SYNPR: variants seen among roughly 807,000 people sequenced by gnomAD.
SYNPR encodes synaptoporin.
A neutral mutation model predicts 32.9 loss-of-function variants in SYNPR; 23 were observed. That is an observed-to-expected ratio of 0.70 (90% CI 0.50 to 0.99). SYNPR has a LOEUF of 0.99. Ranked by LOEUF, SYNPR falls within the 50% of genes least tolerant of loss-of-function variation. SYNPR has a pLI of 0.00. For missense variants in SYNPR, 318 were observed against 349.3 expected, an observed-to-expected ratio of 0.91 and a Z score of 0.71; for synonymous variants, 146 against 135.9, an observed-to-expected ratio of 1.07 and a Z score of -0.52.
exon 3 of SYNPR, chr3:63,267,368 G>C (rs1363792272): frequency 6.6e-6 from 1 of 152,248 alleles, no homozygotes; most frequent in Non-Finnish European, 1.5e-5. Flanking sequence ...CAAAAGAAGA[G>C]AACCTGAGGG....
Position 63,243,866 on chromosome 3 carries a change from A to AT in SYNPR, n.67-8632dup, listed in dbSNP as rs1560166480. Among the ~76,000 whole-genome samples the AT allele has an allele frequency of 3.9e-5, 6 of 152,130 alleles. No homozygotes were observed. The South Asian group carries it at 6.2e-4, about 16-fold the overall frequency. ...CAGATTGAGTTAAAGGAGCTGTGGAATAAAAAAAACAAAAACAAAAACAAA... is the reference window on the plus strand; with the variant it reads ...CAGATTGAGTTAAAGGAGCTGTGGAATTAAAAAAAACAAAAACAAAAACAAA... On this transcript the variant is annotated intron_variant and non_coding_transcript_variant, in intron 1 of 4. Transcript: ENST00000478456.
upstream of SYNPR, among the ~76,000 whole-genome samples, chr3:63,274,713 G>T (rs891954731): frequency 2.0e-5 from 3 of 152,146 alleles, no homozygotes; most frequent in African/African-American, 7.2e-5. Flanking sequence ...TCTCTACCTT[G>T]GCACCATTGA....
chr3:63,268,760 C>A (rs2086511360), intron 3 of SYNPR, among the ~76,000 whole-genome samples: 1 of 152,230 alleles, frequency 6.6e-6, no homozygotes, highest in South Asian at 2.1e-4. Context: ...AGTTCAAACC[C>A]ATGTTACTCA....
At chr3:63,288,015 C>T (rs1406924285) in intron 2 of SYNPR, among the ~76,000 whole-genome samples, 1 of 152,144 alleles carries the variant, frequency 6.6e-6, no homozygotes, top group African/African-American at 2.4e-5. Context: ...TCCTGCCTGC[C>T]CTCTCTCTGT....
At chr3:63,219,634 G>T in the SYNPR span, among the ~76,000 whole-genome samples, 1 of 151,968 alleles carries the variant, frequency 6.6e-6, no homozygotes, top group Non-Finnish European at 1.5e-5. Context: ...TTTATGTATG[G>T]TATATGGATT....
intron 2 of SYNPR, among the ~76,000 whole-genome samples, chr3:63,365,484 A>G (rs2087719230): frequency 1.3e-5 from 2 of 152,196 alleles, no homozygotes; most frequent in South Asian, 4.1e-4. Flanking sequence ...GGTTCGCATA[A>G]GAAGTTTAAT....
intron 2 of SYNPR, among the ~76,000 whole-genome samples, chr3:63,341,506 AT>A (rs1412747102): frequency 6.6e-6 from 1 of 152,222 alleles, no homozygotes; most frequent in Non-Finnish European, 1.5e-5. Context: ...CCACATTCTC[AT>A]CAGCATTTGA....
chr3:63,329,936 C>T (rs1685086426), intron 2 of SYNPR: 1 of 152,122 alleles, frequency 6.6e-6, no homozygotes, highest in Non-Finnish European at 1.5e-5. Flanking sequence ...TATCACAGCA[C>T]AGTGTTCTGA....
At chr3:63,534,879 G>A (rs909538119) in intron 3 of SYNPR, among the ~76,000 whole-genome samples, 1 of 152,062 alleles carries the variant, frequency 6.6e-6, no homozygotes, top group Admixed American at 6.6e-5. Flanking sequence ...CCCAGGGTGA[G>A]AAAATGAGTA....
intron 4 of SYNPR, among the ~76,000 whole-genome samples, chr3:63,596,539 C>T (rs1233239419): frequency 6.6e-6 from 1 of 152,038 alleles, no homozygotes; most frequent in Non-Finnish European, 1.5e-5. Context: ...CCCCTGTGGG[C>T]CGCCCACCTC....
At chr3:63,383,959 G>GATA (rs2088008981) in intron 2 of SYNPR, among the ~76,000 whole-genome samples, 1 of 152,338 alleles carries the variant, frequency 6.6e-6, no homozygotes, top group East Asian at 1.9e-4. Context: ...GTGGAATATA[G>GATA]ATATGGCAAT....
At chr3:63,265,653 A>G (rs1411649328) in intron 2 of SYNPR, among the ~76,000 whole-genome samples, 2 of 152,242 alleles carry the variant, frequency 1.3e-5, no homozygotes, top group African/African-American at 4.8e-5. Context: ...AAGAAACAAT[A>G]TAAGGACAAG....
intron 2 of SYNPR, among the ~76,000 whole-genome samples, chr3:63,254,858 A>G (rs1177278354): frequency 6.6e-6 from 1 of 152,176 alleles, no homozygotes; most frequent in Non-Finnish European, 1.5e-5. Context: ...CCCTAATCCA[A>G]TATAAATGGT....
chr3:63,315,300 C>T (rs554241521), intron 2 of SYNPR, among the ~76,000 whole-genome samples: 8 of 152,084 alleles, frequency 5.3e-5, no homozygotes, highest in African/African-American at 7.2e-5. Flanking sequence ...ATGAGGATTG[C>T]ATTGAATTTG....
chr3:63,408,267 A>C lies in SYNPR; in HGVS notation c.85-72565A>C, dbSNP rs1347369624. ...AAAGAAAGAAAGAAAGAAAGAAAGA[A>C]AGAAAGAAAGAGGAAGGAAGGAAGG... On this transcript the variant is annotated intron_variant, in intron 2 of 5. Coordinates refer to ENST00000478300, the MANE Select transcript of SYNPR (RefSeq NM_001130003.2). Among the ~76,000 whole-genome samples, 2 of 118,806 alleles carry C rather than the reference A, an allele frequency of 1.7e-5. 1 individual carries two copies. Among genetic ancestry groups the C allele is most frequent in the African/African-American group, 7.1e-5 (2 of 28,064 alleles). 77.9% of individuals were successfully genotyped at this position (118,806 alleles called of 152,430 possible). A position where few individuals can be genotyped will look rare whatever the true frequency, so the allele number is the denominator to read the frequency against.
chr3:63,407,109 C>A (rs542238563), intron 2 of SYNPR, among the ~76,000 whole-genome samples: 1 of 152,170 alleles, frequency 6.6e-6, no homozygotes, highest in Non-Finnish European at 1.5e-5. Flanking sequence ...CTGGATCAAA[C>A]ATGTACCTGG....
intron 2 of SYNPR, among the ~76,000 whole-genome samples, chr3:63,320,757 T>C (rs1023147549): frequency 1.3e-5 from 2 of 152,110 alleles, no homozygotes; most frequent in African/African-American, 2.4e-5. Flanking sequence ...GTTTAGTGAC[T>C]TTATTCATGG....
At chr3:63,534,367 T>C (rs1366829653) in intron 3 of SYNPR, among the ~76,000 whole-genome samples, 1 of 152,186 alleles carries the variant, frequency 6.6e-6, no homozygotes, top group Non-Finnish European at 1.5e-5. Flanking sequence ...CTGGTTTTGT[T>C]TAGTGAAATT....
intron 2 of SYNPR, among the ~76,000 whole-genome samples, chr3:63,283,440 G>A (rs1349799307): frequency 6.6e-6 from 1 of 152,066 alleles, no homozygotes. Context: ...GGTCAAAACG[G>A]AAAAGTCGGG....
Sources: allele counts gnomAD v4.1 joint callset (sites outside exome capture counted in the v4.1 genomes callset), GRCh38; gene constraint gnomAD v4.1.1; transcripts MANE v1.5; gene names NCBI Gene and HGNC (gene_info 2026-07-23, HGNC 2026-07-21).